WWC1: variants seen among roughly 807,000 people sequenced by gnomAD.
WWC1 encodes the protein WW and C2 domain containing 1.
A neutral mutation model predicts 138.4 loss-of-function variants in WWC1; 55 were observed. The ratio of observed to expected loss-of-function variants is 0.40; its 90% CI spans 0.32 to 0.50. The LOEUF (loss-of-function observed/expected upper bound fraction) is 0.50. Among genes scored for constraint, WWC1 ranks in the 20% least tolerant of loss-of-function variants. The pLI is 0.72. For missense variants in WWC1, 1,226 were observed against 1,420.4 expected, an observed-to-expected ratio of 0.86 and a Z score of 2.20; for synonymous variants, 524 against 564.9, an observed-to-expected ratio of 0.93 and a Z score of 1.03.
At chr5:168,454,533 G>A (rs1756128080) in intron 18 of WWC1, among the ~76,000 whole-genome samples, 1 of 152,180 alleles carries the variant, frequency 6.6e-6, no homozygotes, top group Admixed American at 6.5e-5. Context: ...CAGGAAAAAG[G>A]CCAGACTCCC....
At chr5:168,399,372 C>T (rs1779142883) in intron 4 of WWC1, 116 bp from the exon 5 acceptor site, 1 of 1,048,092 alleles carries the variant, frequency 9.5e-7, no homozygotes, top group African/African-American at 1.6e-5. Context: ...GGGTGCTGAC[C>T]TGAGTCATTA....
At chr5:168,466,701 G>A (rs1209484434) in intron 21 of WWC1, among the ~76,000 whole-genome samples, 1 of 152,202 alleles carries the variant, frequency 6.6e-6, no homozygotes, top group Non-Finnish European at 1.5e-5. Context: ...AGGCTTGAAG[G>A]AGGAGAGGAA....
chr5:168,366,406 T>C (rs1297932964), intron 1 of WWC1, among the ~76,000 whole-genome samples: 5 of 152,200 alleles, frequency 3.3e-5, no homozygotes, highest in South Asian at 2.1e-4. Flanking sequence ...TATCAGTCAG[T>C]CAGCCCTCTG....
rs556112138 is a variant in WWC1, at chr5:168,470,006, C to G, written c.*989C>G. The G allele has an allele frequency of 6.6e-6, 1 of 152,286 alleles. No homozygotes were observed. Among genetic ancestry groups the G allele is most frequent in the South Asian group, 2.1e-4 (1 of 4,822 alleles). The allele number at this position is 152,286 out of a possible 1,614,324, so 9.4% of individuals were successfully genotyped here. A position where few individuals can be genotyped will look rare whatever the true frequency, so the allele number is the denominator to read the frequency against. ...CTGTCTCCTTCTATGGAATTCCACC[C>G]CACCCAGAGAGAGATGACTTCACAG... On this transcript the variant is annotated 3_prime_UTR_variant, in exon 23 of 23. Transcript: ENST00000265293.
chr5:168,426,607 T>TTA (rs1467258757), intron 11 of WWC1, among the ~76,000 whole-genome samples: 1 of 152,146 alleles, frequency 6.6e-6, no homozygotes, highest in Non-Finnish European at 1.5e-5. Context: ...CTTAAGTGGT[T>TTA]TAGTGGAGGG....
chr5:168,303,502 C>G (rs573993646), intron 1 of WWC1, among the ~76,000 whole-genome samples: 6 of 152,146 alleles, frequency 3.9e-5, no homozygotes, highest in Non-Finnish European at 5.9e-5. Flanking sequence ...CCAACTACAC[C>G]AGAGGCTAAG....
intron 19 of WWC1, among the ~76,000 whole-genome samples, chr5:168,458,230 C>T (rs1377798900): frequency 6.6e-6 from 1 of 152,086 alleles, no homozygotes; most frequent in Admixed American, 6.5e-5. Context: ...TTGTGTGAAC[C>T]CCATTTTATA....
intron 1 of WWC1, among the ~76,000 whole-genome samples, chr5:168,313,270 G>A (rs186605660): frequency 6.6e-6 from 1 of 152,208 alleles, no homozygotes; most frequent in African/African-American, 2.4e-5. Context: ...GGACCAGCAC[G>A]TCAGCATTGC....
At chr5:168,350,246 A>G (rs373808103) in intron 1 of WWC1, among the ~76,000 whole-genome samples, 1 of 152,194 alleles carries the variant, frequency 6.6e-6, no homozygotes, top group Non-Finnish European at 1.5e-5. Context: ...ATGCAAAAAG[A>G]GGTCTCTCTT....
At chr5:168,442,382 C>A (rs1663881502) in intron 16 of WWC1, among the ~76,000 whole-genome samples, 1 of 137,896 alleles carries the variant, frequency 7.3e-6, no homozygotes, top group Non-Finnish European at 1.5e-5. Flanking sequence ...GCAGGAGGAT[C>A]TCTTGAGGCC....
intron 19 of WWC1, among the ~76,000 whole-genome samples, chr5:168,459,254 CAAAAAAAAAAAAA>C (rs34453947): frequency 2.1e-5 from 2 of 94,824 alleles, no homozygotes; most frequent in South Asian, 7.4e-4. Flanking sequence ...AACCCTGTCT[CAAAAAAAAAAAAA>C]AAAAAAAGAA....
chr5:168,449,651 G>A (rs1755617810), intron 17 of WWC1, among the ~76,000 whole-genome samples: 1 of 139,608 alleles, frequency 7.2e-6, no homozygotes, highest in Non-Finnish European at 1.5e-5. Context: ...TCGGCTCACT[G>A]TGACCTCCAC....
rs562314011 is a variant in WWC1 at position 168,311,595 on chromosome 5, G to A, written c.119+19324G>A. ...AAGGCTAAGGGTAATAATAGACCAG[G>A]CACAGTGGCTCACGTCTGTAATCCC... On this transcript the variant is annotated intron_variant, in intron 1 of 22. Coordinates refer to ENST00000265293, the MANE Select transcript of WWC1 (RefSeq NM_015238.3). 1.1e-4 allele frequency among the ~76,000 whole-genome samples: 15 copies of A among 131,780 alleles called. No homozygotes were observed. The East Asian group carries it at 2.7e-3, about 24-fold the overall frequency. The allele number at this position is 131,780 out of a possible 152,430, so 86.5% of individuals were successfully genotyped here.
At chr5:168,464,607 C>T (rs1278315826) in intron 20 of WWC1, 122 bp from the exon 21 acceptor site, 5 of 1,452,732 alleles carry the variant, frequency 3.4e-6, no homozygotes, top group Non-Finnish European at 4.6e-6. Flanking sequence ...CAGGGAAGGG[C>T]AAGCCCCATT....
intron 3 of WWC1, among the ~76,000 whole-genome samples, chr5:168,392,288 G>A (rs1417150908): frequency 6.6e-6 from 1 of 152,090 alleles, no homozygotes; most frequent in Non-Finnish European, 1.5e-5. Flanking sequence ...CTCTAGGCTG[G>A]ACAGTAGAGA....
At chr5:168,370,097 C>T (rs994377086) in intron 1 of WWC1, among the ~76,000 whole-genome samples, 4 of 151,910 alleles carry the variant, frequency 2.6e-5, no homozygotes, top group Admixed American at 6.6e-5. Context: ...GAGAGTTTCA[C>T]CACATTGAGC....
rs1428115717 is a variant in WWC1 at position 168,431,403 on chromosome 5, G to A, written c.2239G>A (p.Asp747Asn). 1.9e-6 allele frequency: 3 copies of A among 1,613,758 alleles called. No individual in the cohort carries two copies. The highest frequency in any genetic ancestry group is 1.7e-5 in the Admixed American group (1 of 59,992). ...PALHQKTLRVDVCTTDRSHLE... is the reference protein window; with the variant it reads ...PALHQKTLRVNVCTTDRSHLE... ...CCTTCACCAGAAGACCTTAAGAGTCGATGTCTGTACCACCGACAGGAGCCA... is the reference window on the plus strand; with the variant it reads ...CCTTCACCAGAAGACCTTAAGAGTCAATGTCTGTACCACCGACAGGAGCCA... Residue 747 changes from aspartate (D) to asparagine (N), a missense_variant, in exon 15 of 23, where the codon GAT (aspartate) becomes AAT (asparagine). Coordinates refer to ENST00000265293, the MANE Select transcript of WWC1 (RefSeq NM_015238.3).
chr5:168,348,410 A>G (rs1774658771), intron 1 of WWC1, among the ~76,000 whole-genome samples: 1 of 152,144 alleles, frequency 6.6e-6, no homozygotes, highest in South Asian at 2.1e-4. Flanking sequence ...AGGCTCCTTT[A>G]ATCCACAGCC....
At chr5:168,309,428 C>T (rs1197748330) in intron 1 of WWC1, among the ~76,000 whole-genome samples, 1 of 152,130 alleles carries the variant, frequency 6.6e-6, no homozygotes. Context: ...AGGCATGGTT[C>T]CCATGCTTAA....
Sources: allele counts gnomAD v4.1 joint callset (sites outside exome capture counted in the v4.1 genomes callset), GRCh38; gene constraint gnomAD v4.1.1; transcripts MANE v1.5; gene names NCBI Gene and HGNC (gene_info 2026-07-23, HGNC 2026-07-21).